Variants in MCTP1 observed in about 807,000 individuals in gnomAD.
MCTP1 encodes the protein multiple C2 and transmembrane domain-containing protein 1.
A neutral mutation model predicts 120.6 loss-of-function variants in MCTP1; 69 were observed. The ratio of observed to expected loss-of-function variants is 0.57; its 90% CI spans 0.47 to 0.70. The LOEUF (loss-of-function observed/expected upper bound fraction) is 0.70. MCTP1 is among the 30% of genes least tolerant of loss of function. The pLI, the probability that MCTP1 is intolerant of heterozygous loss-of-function variation, is 0.00. For synonymous variants in MCTP1, 529 were observed against 493.1 expected (o/e 1.07, Z -0.96); for missense variants, 1,203 against 1,248.8 (o/e 0.96, Z 0.55).
At chr5:95,013,759 G>T (rs1030068687) in intron 2 of MCTP1, among the ~76,000 whole-genome samples, 2 of 152,114 alleles carry the variant, frequency 1.3e-5, no homozygotes, top group African/African-American at 4.8e-5. Context: ...TGATGAAGAT[G>T]TACAAGGAGA....
intron 1 of MCTP1, among the ~76,000 whole-genome samples, chr5:95,248,453 A>G (rs1479663049): frequency 6.6e-6 from 1 of 152,214 alleles, no homozygotes; most frequent in Non-Finnish European, 1.5e-5. Context: ...CTAGGAATCC[A>G]AGTTACACAG....
intron 19 of MCTP1, among the ~76,000 whole-genome samples, chr5:94,756,420 A>T (rs958455566): frequency 4.6e-5 from 7 of 152,314 alleles, no homozygotes; most frequent in African/African-American, 1.7e-4. Context: ...TATGGGAATG[A>T]AAAGGAGAGT....
At position 94,911,862 on chromosome 5, in the gene MCTP1, C is replaced by T. The variant is rs542743797; in HGVS notation, c.1521+944G>A. Reference sequence around the variant, plus strand: ...TACTACTGTTGTTACTCTTCCTCTTCTGCTATTTTTGTTTGCTGAGTGATT... The same window carrying T: ...TACTACTGTTGTTACTCTTCCTCTTTTGCTATTTTTGTTTGCTGAGTGATT... On this transcript the variant is annotated intron_variant, in intron 9 of 22. Coordinates refer to ENST00000515393, the MANE Select transcript of MCTP1 (RefSeq NM_024717.7). 3.3e-5 allele frequency among the ~76,000 whole-genome samples: 5 copies of T among 152,188 alleles called. No homozygotes were observed. In the South Asian group the frequency reaches 1.0e-3, roughly 32 times the overall value.
intron 1 of MCTP1, among the ~76,000 whole-genome samples, chr5:95,045,746 T>C (rs1247107700): frequency 6.6e-6 from 1 of 152,170 alleles, no homozygotes; most frequent in African/African-American, 2.4e-5. Flanking sequence ...ACATGTGATA[T>C]ATGGTTACAT....
At chr5:94,735,701 A>G (rs898322611) in intron 19 of MCTP1, among the ~76,000 whole-genome samples, 2 of 152,216 alleles carry the variant, frequency 1.3e-5, no homozygotes, top group African/African-American at 4.8e-5. Flanking sequence ...CAGTAATAGG[A>G]AGGTCATGAA....
At chr5:94,754,680 C>T (rs1769323919) in intron 19 of MCTP1, among the ~76,000 whole-genome samples, 1 of 148,370 alleles carries the variant, frequency 6.7e-6, no homozygotes, top group African/African-American at 2.5e-5. Context: ...ACTTTAAAAG[C>T]ATATCCTTTT....
intron 6 of MCTP1, among the ~76,000 whole-genome samples, chr5:94,927,835 C>T (rs1813555168): frequency 6.6e-6 from 1 of 151,776 alleles, no homozygotes; most frequent in Middle Eastern, 3.2e-3. Flanking sequence ...ATCTCCTTGC[C>T]AAAAGTCTTA....
chr5:95,230,835 C>T (rs1251154259), intron 1 of MCTP1, among the ~76,000 whole-genome samples: 2 of 152,132 alleles, frequency 1.3e-5, no homozygotes, highest in African/African-American at 4.8e-5. Flanking sequence ...TCCCCACACA[C>T]CTTTTTTTTA....
At chr5:94,974,802 A>C (rs1827728860) in intron 2 of MCTP1, among the ~76,000 whole-genome samples, 1 of 152,182 alleles carries the variant, frequency 6.6e-6, no homozygotes, top group African/African-American at 2.4e-5. Context: ...TAACAATACA[A>C]ATAGTTGCAC....
intron 2 of MCTP1, among the ~76,000 whole-genome samples, chr5:94,964,409 T>C (rs1157828169): frequency 6.6e-6 from 1 of 152,122 alleles, no homozygotes; most frequent in Non-Finnish European, 1.5e-5. Context: ...CCTTATTGAT[T>C]TTCTGTCTAG....
intron 1 of MCTP1, among the ~76,000 whole-genome samples, chr5:95,215,357 A>AT (rs1752920715): frequency 6.6e-6 from 1 of 152,240 alleles, no homozygotes; most frequent in Non-Finnish European, 1.5e-5. Flanking sequence ...ATAAAGATGG[A>AT]TTTTTGTGAT....
chr5:94,748,955 G>T (rs1394068915), intron 19 of MCTP1, among the ~76,000 whole-genome samples: 3 of 152,218 alleles, frequency 2.0e-5, no homozygotes, highest in Non-Finnish European at 4.4e-5. Context: ...GAGATGAGCT[G>T]ACACTAGAAG....
intron 1 of MCTP1, among the ~76,000 whole-genome samples, chr5:95,149,653 C>T (rs1279607898): frequency 6.6e-6 from 1 of 152,164 alleles, no homozygotes; most frequent in African/African-American, 2.4e-5. Flanking sequence ...AGAAGTGGTA[C>T]AGTCTGACTG....
At chr5:94,932,212 G>GT (rs1361592781) in intron 5 of MCTP1, among the ~76,000 whole-genome samples, 21 of 45,128 alleles carry the variant, frequency 4.7e-4, no homozygotes, top group Admixed American at 2.7e-4. Context: ...TTATTCCTTT[G>GT]TAAAAAAAAA....
intron 19 of MCTP1, among the ~76,000 whole-genome samples, chr5:94,771,534 A>G (rs1273976062): frequency 6.6e-6 from 1 of 152,246 alleles, no homozygotes; most frequent in East Asian, 1.9e-4. Flanking sequence ...AATGGGCAAT[A>G]ACCCACTCTC....
At chr5:95,083,138 T>A (rs1365877710) in intron 1 of MCTP1, among the ~76,000 whole-genome samples, 1 of 152,186 alleles carries the variant, frequency 6.6e-6, no homozygotes, top group Non-Finnish European at 1.5e-5. Context: ...CAAAAAATTA[T>A]TTAATAAATG....
chr5:95,224,909 AT>A (rs1344136426), intron 1 of MCTP1, among the ~76,000 whole-genome samples: 1 of 152,174 alleles, frequency 6.6e-6, no homozygotes, highest in Non-Finnish European at 1.5e-5. Flanking sequence ...TAACTTATCA[AT>A]TGAGAAATTA....
rs1472870185 is a variant in MCTP1 at position 94,942,444 on chromosome 5, A to G, written c.982-17T>C. ...GTCAAATACCTGAGATGCCAAAGAG[A>G]AAAAGCCTTGTTATAAATATCTCCA... is the stretch of plus-strand genomic sequence containing the variant. On this transcript the variant is annotated splice_polypyrimidine_tract_variant and intron_variant, in intron 3 of 22. Coordinates refer to ENST00000515393, the MANE Select transcript of MCTP1 (RefSeq NM_024717.7). 6.3e-7 allele frequency: 1 copy of G among 1,576,496 alleles called. No individual in the cohort carries two copies. Among genetic ancestry groups the G allele is most frequent in the Non-Finnish European group, 8.7e-7 (1 of 1,148,032 alleles).
intron 6 of MCTP1, among the ~76,000 whole-genome samples, chr5:94,925,405 G>A (rs775867626): frequency 2.0e-4 from 30 of 151,986 alleles, no homozygotes; most frequent in African/African-American, 7.2e-4. Context: ...CAAAGTGACT[G>A]TTTTTTTCTG....
Sources: allele counts gnomAD v4.1 joint callset (sites outside exome capture counted in the v4.1 genomes callset), GRCh38; gene constraint gnomAD v4.1.1; transcripts MANE v1.5; gene names NCBI Gene and HGNC (gene_info 2026-07-23, HGNC 2026-07-21).